Variants in MICAL2 observed in about 807,000 individuals in gnomAD.
MICAL2 encodes the protein [F-actin]-monooxygenase MICAL2.
A neutral mutation model predicts 127.3 loss-of-function variants in MICAL2; 77 were observed. The observed-to-expected ratio is 0.60, with a 90% CI of 0.50 to 0.73. The LOEUF (loss-of-function observed/expected upper bound fraction) is 0.73, where lower values mean the gene tolerates loss of function less well. Among genes scored for constraint, MICAL2 ranks in the 30% least tolerant of loss-of-function variants. MICAL2 has a pLI of 0.00. For synonymous variants in MICAL2, 570 were observed against 551.1 expected, an observed-to-expected ratio of 1.03 and a Z score of -0.48; for missense variants, 1,351 against 1,434.4, an observed-to-expected ratio of 0.94 and a Z score of 0.94.
At chr11:12,309,898 G>T (rs1284476685) in intron 29 of MICAL2, among the ~76,000 whole-genome samples, 3 of 152,202 alleles carry the variant, frequency 2.0e-5, no homozygotes. Flanking sequence ...ATATCTCATT[G>T]TGGTTCGGAT....
intron 2 of MICAL2, among the ~76,000 whole-genome samples, chr11:12,146,923 C>A (rs189982624): frequency 1.3e-5 from 2 of 152,100 alleles, no homozygotes; most frequent in Non-Finnish European, 1.5e-5. Flanking sequence ...ACATGGATGA[C>A]GCTGGAAACC....
chr11:12,279,232 C>T (rs1338758614), intron 1 of MICAL2, among the ~76,000 whole-genome samples: 2 of 151,962 alleles, frequency 1.3e-5, no homozygotes, highest in Admixed American at 6.5e-5. Flanking sequence ...AGAGCCCAGT[C>T]GGATATGTAT....
chr11:12,289,575 T>C (rs1437995016), downstream of MICAL2, among the ~76,000 whole-genome samples: 4 of 145,872 alleles, frequency 2.7e-5, no homozygotes, highest in African/African-American at 7.5e-5. Flanking sequence ...TGTTTTTTTT[T>C]TTTTTCTTCT....
intron 6 of MICAL2, 132 bp downstream of exon 6, chr11:12,209,730 A>G (rs12787479): frequency 0.17 from 125,765 of 753,318 alleles, 11,552 homozygotes; most frequent in Non-Finnish European, 0.18. Flanking sequence ...AGGGCAGACC[A>G]TCCTGTCCCT....
chr11:12,168,542 C>T (rs2706639), intron 3 of MICAL2, among the ~76,000 whole-genome samples: 5 of 151,710 alleles, frequency 3.3e-5, no homozygotes, highest in African/African-American at 1.2e-4. Context: ...ACACACATAT[C>T]TATTTCTTTA....
chr11:12,167,134 C>T (rs183361806), intron 3 of MICAL2, among the ~76,000 whole-genome samples: 5 of 152,208 alleles, frequency 3.3e-5, no homozygotes, highest in Non-Finnish European at 7.4e-5. Context: ...TTCCACCACT[C>T]CCCACAGGAT....
chr11:12,170,100 A>G (rs1856048548), intron 3 of MICAL2, among the ~76,000 whole-genome samples: 1 of 151,990 alleles, frequency 6.6e-6, no homozygotes, highest in South Asian at 2.1e-4. Context: ...CCACCACCAA[A>G]CATTTGCGTG....
intron 30 of MICAL2, chr11:12,319,881 C>T: frequency 8.8e-7 from 1 of 1,130,230 alleles, no homozygotes; most frequent in Non-Finnish European, 1.3e-6. Flanking sequence ...ATTTCAGAAC[C>T]AATGTGGGCT....
chr11:12,225,271 C>T (rs1322672423), intron 13 of MICAL2, among the ~76,000 whole-genome samples: 8 of 152,340 alleles, frequency 5.3e-5, no homozygotes, highest in Admixed American at 3.9e-4. Context: ...GCTTTAGATT[C>T]TTCGTCTACA....
intron 4 of MICAL2, 170 bp from the exon 5 acceptor site, chr11:12,207,853 T>G: frequency 1.6e-6 from 1 of 609,286 alleles, no homozygotes; most frequent in Non-Finnish European, 3.0e-6. Flanking sequence ...ACTGTAAGAG[T>G]TAGATGAGAA....
At chr11:12,208,401 G>A (rs1273782822) in intron 5 of MICAL2, 1 of 361,534 alleles carries the variant, frequency 2.8e-6, no homozygotes, top group Non-Finnish European at 5.1e-6. Flanking sequence ...CTTTGGCAAA[G>A]GAAATCTAAT....
At chr11:12,334,440 T>C (rs1157276199) in intron 32 of MICAL2, among the ~76,000 whole-genome samples, 3 of 152,100 alleles carry the variant, frequency 2.0e-5, no homozygotes, top group Admixed American at 2.0e-4. Context: ...ATATTTTCTT[T>C]TCTTTTTTTT....
chr11:12,316,869 ATCTAT>A (rs1864237863), intron 29 of MICAL2, among the ~76,000 whole-genome samples: 2 of 152,252 alleles, frequency 1.3e-5, no homozygotes, highest in East Asian at 3.9e-4. Context: ...TTTCAGGTGA[ATCTAT>A]AATAACCTTT....
At chr11:12,339,556 T>G (rs1938824436) in intron 32 of MICAL2, among the ~76,000 whole-genome samples, 1 of 152,178 alleles carries the variant, frequency 6.6e-6, no homozygotes, top group Non-Finnish European at 1.5e-5. Flanking sequence ...TTCTGCTCTG[T>G]TTTTTCCCCA....
At chr11:12,227,574 ATATATTGGGC>A (rs2134342002) in intron 15 of MICAL2, among the ~76,000 whole-genome samples, 1 of 152,348 alleles carries the variant, frequency 6.6e-6, no homozygotes, top group Admixed American at 6.5e-5. Context: ...TTCAACAAAT[ATATATTGGGC>A]TCTCCTATAG....
At chr11:12,266,834 G>A (rs922754246), downstream of MICAL2, among the ~76,000 whole-genome samples, 1 of 152,196 alleles carries the variant, frequency 6.6e-6, no homozygotes, top group Non-Finnish European at 1.5e-5. Flanking sequence ...TGTGAACTGG[G>A]GCTAAGGATG....
At chr11:12,354,892 C>A (rs759591424) in intron 34 of MICAL2, 15 of 1,588,764 alleles carry the variant, frequency 9.4e-6, no homozygotes, top group Admixed American at 3.4e-5. Context: ...AGAACTTCCC[C>A]CTAGAAAGGC....
At chr11:12,146,115 G>C (rs936722056) in intron 2 of MICAL2, among the ~76,000 whole-genome samples, 4 of 152,098 alleles carry the variant, frequency 2.6e-5, no homozygotes, top group Non-Finnish European at 5.9e-5. Flanking sequence ...AAAAACCCTA[G>C]AAGAAAACCT....
At chr11:12,237,211 C>T (rs1339200105) in intron 16 of MICAL2, among the ~76,000 whole-genome samples, 6 of 152,188 alleles carry the variant, frequency 3.9e-5, no homozygotes, top group Non-Finnish European at 7.3e-5. Context: ...CAAAGAAAAA[C>T]GAGTTCAGTT....
Sources: allele counts gnomAD v4.1 joint callset (sites outside exome capture counted in the v4.1 genomes callset), GRCh38; gene constraint gnomAD v4.1.1; transcripts MANE v1.5; gene names NCBI Gene and HGNC (gene_info 2026-07-23, HGNC 2026-07-21).